The following RGS7 variants were observed in gnomAD, a reference collection of about 807,000 sequenced individuals.
RGS7 encodes regulator of G-protein signaling 7.
Under a neutral mutation model 81.1 loss-of-function variants are expected in RGS7, and 27 were observed. The observed-to-expected ratio is 0.33, with a 90% CI of 0.25 to 0.46. RGS7 has a LOEUF of 0.46. Among genes scored for constraint, RGS7 ranks in the 20% least tolerant of loss-of-function variants. RGS7 has a pLI of 1.00. For missense variants in RGS7, 396 were observed against 607.4 expected (o/e 0.65, Z 3.66); for synonymous variants, 208 against 207.7 (o/e 1.00, Z -0.01).
chr1:240,887,161 A>C (rs1194556587), intron 6 of RGS7, among the ~76,000 whole-genome samples: 1 of 152,176 alleles, frequency 6.6e-6, no homozygotes, highest in Non-Finnish European at 1.5e-5. Context: ...TTCTACTCAA[A>C]AGAAAATTAT....
intron 3 of RGS7, among the ~76,000 whole-genome samples, chr1:241,027,153 T>C (rs1230283989): frequency 6.6e-6 from 1 of 151,192 alleles, no homozygotes; most frequent in Non-Finnish European, 1.5e-5. Context: ...CAGTTAGCTA[T>C]GATTATGTCA....
At chr1:241,317,043 A>G (rs577234892) in intron 2 of RGS7, among the ~76,000 whole-genome samples, 1 of 152,352 alleles carries the variant, frequency 6.6e-6, no homozygotes, top group East Asian at 1.9e-4. Flanking sequence ...ATAATCAATC[A>G]AGCACTGATT....
intron 2 of RGS7, among the ~76,000 whole-genome samples, chr1:241,322,252 A>G (rs903594605): frequency 1.3e-5 from 2 of 152,238 alleles, no homozygotes; most frequent in Non-Finnish European, 2.9e-5. Flanking sequence ...AACTGTTGTT[A>G]GCACATACTA....
chr1:240,943,554 T>C (rs183459607), intron 4 of RGS7, among the ~76,000 whole-genome samples: 2 of 152,336 alleles, frequency 1.3e-5, no homozygotes, highest in African/African-American at 4.8e-5. Flanking sequence ...AGTGTTGCTC[T>C]GGGTTTCCCA....
At chr1:240,966,280 A>C (rs1309165774) in intron 4 of RGS7, among the ~76,000 whole-genome samples, 2 of 152,224 alleles carry the variant, frequency 1.3e-5, no homozygotes, top group Non-Finnish European at 2.9e-5. Flanking sequence ...ACAATGGCTT[A>C]AATTTTTGAA....
chr1:240,963,975 G>A (rs1358810516), intron 4 of RGS7, among the ~76,000 whole-genome samples: 2 of 152,180 alleles, frequency 1.3e-5, no homozygotes, highest in Non-Finnish European at 1.5e-5. Context: ...TTGTGCCACT[G>A]TACTTCAGCC....
chr1:241,343,898 T>C (rs1438299890), intron 2 of RGS7, among the ~76,000 whole-genome samples: 3 of 152,086 alleles, frequency 2.0e-5, no homozygotes, highest in African/African-American at 7.2e-5. Flanking sequence ...AAAGAAAAAG[T>C]AAAGAAGACT....
chr1:241,166,250 C>T (rs1034127891), intron 2 of RGS7, among the ~76,000 whole-genome samples: 2 of 152,292 alleles, frequency 1.3e-5, no homozygotes, highest in East Asian at 3.9e-4. Flanking sequence ...GTGGGGAAAA[C>T]ATTTTAGGGA....
At chr1:241,227,615 T>C (rs1436912856) in intron 2 of RGS7, among the ~76,000 whole-genome samples, 1 of 146,314 alleles carries the variant, frequency 6.8e-6, no homozygotes, top group East Asian at 2.0e-4. Context: ...GGCATGGTGG[T>C]GTGCACCTGT....
In RGS7 at chr1:241,328,511, A is replaced by C. The variant is rs952145439; in HGVS notation, c.78+27188T>G. On this transcript the variant is annotated intron_variant, in intron 2 of 18. Coordinates refer to ENST00000440928, the MANE Select transcript of RGS7 (RefSeq NM_001364886.1). ...GGAAATCAAGTCTTTGTGCCAATGC[A>C]AACTCACATAACCATACTCTGATGG... is the stretch of plus-strand genomic sequence containing the variant. 2.0e-5 allele frequency among the ~76,000 whole-genome samples: 3 copies of C among 152,192 alleles called. No individual in the cohort carries two copies. In the East Asian group the frequency reaches 5.8e-4, roughly 29 times the overall value.
chr1:240,956,041 T>C (rs2502436), intron 4 of RGS7, among the ~76,000 whole-genome samples: 132,112 of 152,202 alleles, frequency 0.87, 57,536 homozygotes, highest in Admixed American at 0.93. Context: ...TTTGTAGAGA[T>C]AGCACTAAAA....
intron 2 of RGS7, among the ~76,000 whole-genome samples, chr1:241,183,273 T>C (rs149508965): frequency 5.9e-5 from 9 of 152,350 alleles, no homozygotes; most frequent in Middle Eastern, 6.8e-3. Context: ...CCCGCATAAA[T>C]GATTGCAGTA....
At chr1:240,997,868 T>G in intron 3 of RGS7, among the ~76,000 whole-genome samples, 1 of 152,214 alleles carries the variant, frequency 6.6e-6, no homozygotes, top group Non-Finnish European at 1.5e-5. Context: ...ATAAGTCTAT[T>G]GTATTTCTTA....
intron 2 of RGS7, among the ~76,000 whole-genome samples, chr1:241,180,407 AAC>A (rs1462990296): frequency 2.6e-5 from 4 of 151,766 alleles, no homozygotes; most frequent in Admixed American, 6.6e-5. Context: ...CAACAACAAC[AAC>A]AAAAAACACA....
At chr1:240,795,190 A>G (rs1686815473) in intron 18 of RGS7, among the ~76,000 whole-genome samples, 1 of 123,814 alleles carries the variant, frequency 8.1e-6, no homozygotes, top group Non-Finnish European at 1.7e-5. Flanking sequence ...GTCTCAAACA[A>G]ACAAATAAAC....
rs564835974 is a variant in RGS7, at chr1:241,201,441, C to T, written c.79-102679G>A. ...AGAACCATCCACCATGAAATAGCATCATACAAATTACACTGGAGCCTCACC... is the reference window on the plus strand; with the variant it reads ...AGAACCATCCACCATGAAATAGCATTATACAAATTACACTGGAGCCTCACC... On this transcript the variant is annotated intron_variant, in intron 2 of 18. Transcript: ENST00000440928. Among the ~76,000 whole-genome samples the T allele has an allele frequency of 9.2e-5, 14 of 152,258 alleles. No homozygotes were observed. The South Asian group carries it at 2.9e-3, about 32-fold the overall frequency.
At chr1:241,000,020 A>AC (rs1167372056) in intron 3 of RGS7, among the ~76,000 whole-genome samples, 1 of 152,148 alleles carries the variant, frequency 6.6e-6, no homozygotes, top group Non-Finnish European at 1.5e-5. Context: ...CTGTTTCATG[A>AC]CCACCTGCTG....
intron 2 of RGS7, among the ~76,000 whole-genome samples, chr1:241,238,395 G>A (rs140462982): frequency 5.9e-5 from 9 of 152,172 alleles, no homozygotes; most frequent in East Asian, 3.9e-4. Context: ...CCTGCTAACC[G>A]AGGACCAACT....
intron 2 of RGS7, among the ~76,000 whole-genome samples, chr1:241,285,785 G>A (rs781322913): frequency 3.9e-5 from 6 of 152,166 alleles, no homozygotes; most frequent in East Asian, 1.9e-4. Flanking sequence ...CTGGACTCCC[G>A]ATTATTGTAC....
Sources: allele counts gnomAD v4.1 joint callset (sites outside exome capture counted in the v4.1 genomes callset), GRCh38; gene constraint gnomAD v4.1.1; transcripts MANE v1.5; gene names NCBI Gene and HGNC (gene_info 2026-07-23, HGNC 2026-07-21).